SULT1B1: variants seen among roughly 807,000 people sequenced by gnomAD.
The protein encoded by SULT1B1 is sulfotransferase family 1B member 1.
A neutral mutation model predicts 34.6 loss-of-function variants in SULT1B1; 28 were observed. That is an observed-to-expected ratio of 0.81 (90% CI 0.60 to 1.11). The LOEUF (loss-of-function observed/expected upper bound fraction) is 1.11. Among genes scored for constraint, SULT1B1 ranks in the 50% least tolerant of loss-of-function variants. The pLI is 0.00. For missense variants in SULT1B1, 374 were observed against 352.2 expected (o/e 1.06, Z -0.50); for synonymous variants, 147 against 110.2 (o/e 1.33, Z -2.09).
At chr4:69,743,300 C>T (rs1450822236) in intron 4 of SULT1B1, among the ~76,000 whole-genome samples, 4 of 152,206 alleles carry the variant, frequency 2.6e-5, no homozygotes, top group African/African-American at 9.6e-5. Context: ...GTTTAGCCCT[C>T]AGCAAAGAGG....
chr4:69,722,258 T>C lies in SULT1B1; in HGVS notation c.*4830A>G, dbSNP rs943311734. On this transcript the variant is annotated 3_prime_UTR_variant, in exon 8 of 8. Transcript: ENST00000310613. ...TACAGTCCAATTACAGAGAGTTATT[T>C]CTACAAAGTAAAACTAGAAAATGTG... The C allele has an allele frequency of 1.3e-5, 2 of 152,154 alleles. No homozygotes were observed. Among genetic ancestry groups the C allele is most frequent in the Non-Finnish European group, 2.9e-5 (2 of 68,000 alleles). The allele number at this position is 152,154 out of a possible 1,614,324, so 9.4% of individuals were successfully genotyped here. A position where few individuals can be genotyped will look rare whatever the true frequency, so the allele number is the denominator to read the frequency against.
intron 3 of SULT1B1, among the ~76,000 whole-genome samples, chr4:69,750,919 G>A (rs997724656): frequency 6.6e-6 from 1 of 152,072 alleles, no homozygotes; most frequent in Non-Finnish European, 1.5e-5. Context: ...CACAGGTTTG[G>A]CATACAGGAA....
At position 69,726,066 on chromosome 4, in the gene SULT1B1, A is replaced by G. The variant is rs1300178388; in HGVS notation, c.*1022T>C. 1 of 104,004 alleles carries G rather than the reference A, an allele frequency of 9.6e-6. No homozygotes were observed. The highest frequency in any genetic ancestry group is 3.8e-5 in the African/African-American group (1 of 26,114). 6.4% of individuals were successfully genotyped at this position (104,004 alleles called of 1,614,324 possible). A position where few individuals can be genotyped will look rare whatever the true frequency, so the allele number is the denominator to read the frequency against. ...TATATATATATATATATATATATATATATATATATATATATAAATGTTCCA... is the reference window on the plus strand; with the variant it reads ...TATATATATATATATATATATATATGTATATATATATATATAAATGTTCCA... On this transcript the variant is annotated 3_prime_UTR_variant, in exon 8 of 8. Transcript: ENST00000310613.
In SULT1B1 at chr4:69,724,819, T is replaced by C. The variant is rs1375006493; in HGVS notation, c.*2269A>G. 1 of 152,246 alleles carries C rather than the reference T, an allele frequency of 6.6e-6. No individual in the cohort carries two copies. The highest frequency in any genetic ancestry group is 2.4e-5 in the African/African-American group (1 of 41,460). The allele number at this position is 152,246 out of a possible 1,614,324, so 9.4% of individuals were successfully genotyped here. A position where few individuals can be genotyped will look rare whatever the true frequency, so the allele number is the denominator to read the frequency against. On this transcript the variant is annotated 3_prime_UTR_variant, in exon 8 of 8. Transcript: ENST00000310613. ...GTGCTGGGAAAACTGGCTAGCCATA[T>C]GTAGAAAGCAGAACCTGGATCCCTT...
At chr4:69,744,767 TTTTGATATTGG>T (rs1718686469) in intron 4 of SULT1B1, among the ~76,000 whole-genome samples, 1 of 152,198 alleles carries the variant, frequency 6.6e-6, no homozygotes, top group Admixed American at 6.5e-5. Flanking sequence ...CTTCTGCTAC[TTTTGATATTGG>T]TTTGCTCTTA....
At chr4:69,752,611 T>C (rs944526413) in intron 3 of SULT1B1, among the ~76,000 whole-genome samples, 1 of 152,206 alleles carries the variant, frequency 6.6e-6, no homozygotes, top group African/African-American at 2.4e-5. Flanking sequence ...AAAAATTGAA[T>C]ATATTTTTTA....
At chr4:69,735,489 C>T (rs115518463) in intron 4 of SULT1B1, among the ~76,000 whole-genome samples, 1,921 of 152,262 alleles carry the variant, frequency 0.013, 37 homozygotes, top group African/African-American at 0.045. Context: ...CAAACTCCTG[C>T]GATATAAACG....
chr4:69,741,828 G>A (rs979884624), intron 4 of SULT1B1, among the ~76,000 whole-genome samples: 1 of 152,156 alleles, frequency 6.6e-6, no homozygotes, highest in Non-Finnish European at 1.5e-5. Context: ...TGACTATGAA[G>A]AGAAATAATG....
chr4:69,732,896 A>G lies in SULT1B1; in HGVS notation c.597+517T>C, dbSNP rs563900378. Among the ~76,000 whole-genome samples, 120 of 152,188 alleles carry G rather than the reference A, an allele frequency of 7.9e-4. 1 individual carries two copies. The highest frequency in any genetic ancestry group is 2.8e-3 in the African/African-American group (117 of 41,544). ...AACTTTTATTGTTGAAAGAGAACAAAATAGTAAAAATATTACATGTTGGAG... is the reference window on the plus strand; with the variant it reads ...AACTTTTATTGTTGAAAGAGAACAAGATAGTAAAAATATTACATGTTGGAG... On this transcript the variant is annotated intron_variant, in intron 6 of 7. Transcript: ENST00000310613.
chr4:69,737,153 T>C (rs1190974734), intron 4 of SULT1B1, among the ~76,000 whole-genome samples: 1 of 152,016 alleles, frequency 6.6e-6, no homozygotes, highest in Non-Finnish European at 1.5e-5. Flanking sequence ...AAATGACAAG[T>C]TTCTCATCTA....
rs777807938 is a variant in SULT1B1 at position 69,730,549 on chromosome 4, G to A, written c.730C>T (p.Leu244=). The A allele has an allele frequency of 6.2e-7, 1 of 1,612,566 alleles. No individual in the cohort carries two copies. The highest frequency in any genetic ancestry group is 8.5e-7 in the Non-Finnish European group (1 of 1,178,912). ...CTATGATCCATCACTGTAGTTGGTA[G>A]ATGTGTATAATTTACCAAAGGATTG... ...KDNPLVNYTH[L]PTTVMDHSKS... is the part of the protein sequence containing the mutation. Residue 244 remains leucine (L), a synonymous_variant, in exon 7 of 8, where the codon CTA becomes TTA. Coordinates refer to ENST00000310613, the MANE Select transcript of SULT1B1 (RefSeq NM_014465.4).
rs902507759 is a variant in SULT1B1, at chr4:69,725,385, G to A, written c.*1703C>T. 6.6e-6 allele frequency: 1 copy of A among 152,156 alleles called. No homozygotes were observed. The highest frequency in any genetic ancestry group is 2.1e-4 in the South Asian group (1 of 4,832). 9.4% of individuals were successfully genotyped at this position (152,156 alleles called of 1,614,324 possible). A position where few individuals can be genotyped will look rare whatever the true frequency, so the allele number is the denominator to read the frequency against. On this transcript the variant is annotated 3_prime_UTR_variant, in exon 8 of 8. Coordinates refer to ENST00000310613, the MANE Select transcript of SULT1B1 (RefSeq NM_014465.4). ...GTCAGGAAACAACAGGTGCTGGAAA[G>A]GATGTGGAGAAATAGGAACACTTTT...
intron 6 of SULT1B1, among the ~76,000 whole-genome samples, chr4:69,732,537 A>C (rs1718121910): frequency 1.3e-5 from 2 of 152,170 alleles, no homozygotes; most frequent in East Asian, 3.9e-4. Context: ...AGTTACAAAG[A>C]AGACAAACTT....
At chr4:69,750,603 C>G (rs567168605) in intron 3 of SULT1B1, among the ~76,000 whole-genome samples, 7 of 152,202 alleles carry the variant, frequency 4.6e-5, no homozygotes, top group Non-Finnish European at 1.0e-4. Context: ...CTGACTCACT[C>G]ATTGAAAACA....
At chr4:69,742,729 G>T (rs1718597797) in intron 4 of SULT1B1, among the ~76,000 whole-genome samples, 1 of 152,192 alleles carries the variant, frequency 6.6e-6, no homozygotes, top group Admixed American at 6.5e-5. Flanking sequence ...CTTGGCTCAT[G>T]CTACCAGCCT....
At chr4:69,749,875 C>T in intron 3 of SULT1B1, 57 bp from the exon 4 acceptor site, 1 of 1,300,600 alleles carries the variant, frequency 7.7e-7, no homozygotes, top group Admixed American at 1.8e-5. Context: ...GGCTACGTTT[C>T]CTTATTTTGC....
chr4:69,755,689 T>G (rs1719162955), intron 1 of SULT1B1, among the ~76,000 whole-genome samples: 1 of 152,212 alleles, frequency 6.6e-6, no homozygotes, highest in South Asian at 2.1e-4. Context: ...CTTTGTGTGC[T>G]TCTAAGGTTT....
intron 4 of SULT1B1, among the ~76,000 whole-genome samples, chr4:69,745,633 C>T (rs2110026278): frequency 6.6e-6 from 1 of 152,268 alleles, no homozygotes; most frequent in East Asian, 1.9e-4. Context: ...AGTTTGAAGG[C>T]AGCAGAGTTG....
chr4:69,735,319 C>CA (rs973783193), intron 4 of SULT1B1, among the ~76,000 whole-genome samples: 2 of 151,978 alleles, frequency 1.3e-5, no homozygotes, highest in African/African-American at 4.8e-5. Context: ...ATACACGAAA[C>CA]AAAAAAATAT....
Sources: gnomAD v4.1 joint callset for allele counts (sites outside exome capture counted in the v4.1 genomes callset) on GRCh38, gnomAD v4.1.1 for gene constraint, MANE v1.5 for transcripts, NCBI Gene and HGNC (gene_info 2026-07-23, HGNC 2026-07-21) for gene names.